Variants in PCLO observed in about 807,000 individuals in gnomAD.
PCLO encodes the protein protein piccolo.
In PCLO, 82 loss-of-function variants were observed where a neutral mutation model predicts 427.5. The observed-to-expected ratio is 0.19, with a 90% CI of 0.16 to 0.23. The LOEUF (loss-of-function observed/expected upper bound fraction) is 0.23, where lower values mean the gene tolerates loss of function less well. Among genes scored for constraint, PCLO ranks in the 10% least tolerant of loss-of-function variants. PCLO has a pLI of 1.00. For synonymous variants in PCLO, 2,357 were observed against 2,155.4 expected (o/e 1.09, Z -2.59); for missense variants, 6,239 against 6,115.9 (o/e 1.02, Z -0.67).
chr7:83,044,879 G>A (rs1354850673), intron 3 of PCLO, among the ~76,000 whole-genome samples: 1 of 152,082 alleles, frequency 6.6e-6, no homozygotes, highest in East Asian at 1.9e-4. Flanking sequence ...CTTACTGGAA[G>A]TCAAAGTTTT....
In PCLO at chr7:83,134,438, C is replaced by A. The variant is rs752290314; in HGVS notation, c.3112G>T (p.Ala1038Ser). Residue 1038 changes from alanine to serine, a missense_variant, in exon 3 of 25, where the codon GCT becomes TCT. By Grantham distance (99) the Ala-to-Ser change is moderately conservative (BLOSUM62 1). Coordinates refer to ENST00000333891, the MANE Select transcript of PCLO (RefSeq NM_033026.6). Reference protein sequence around the residue: ...PPIKDSKSLTAEPQKAVLPTK... With the variant: ...PPIKDSKSLTSEPQKAVLPTK... ...GGAAGGACAGCCTTTTGAGGCTCAG[C>A]TGTTAAAGATTTGCTATCCTTAATA... 3.1e-6 allele frequency: 5 copies of A among 1,613,826 alleles called. No homozygotes were observed. The highest frequency in any genetic ancestry group is 1.6e-4 in the Middle Eastern group (1 of 6,062).
At chr7:83,032,069 A>G (rs1788682849) in intron 3 of PCLO, among the ~76,000 whole-genome samples, 1 of 152,060 alleles carries the variant, frequency 6.6e-6, no homozygotes, top group Non-Finnish European at 1.5e-5. Context: ...TTGCTATACT[A>G]AAATTGTGAC....
intron 22 of PCLO, among the ~76,000 whole-genome samples, chr7:82,788,667 G>A (rs765295512): frequency 2.6e-5 from 4 of 151,838 alleles, no homozygotes; most frequent in Non-Finnish European, 4.4e-5. Flanking sequence ...AATTAAAAAC[G>A]TCAAATCCTT....
At chr7:82,977,663 C>T (rs568614512) in intron 3 of PCLO, among the ~76,000 whole-genome samples, 6 of 152,150 alleles carry the variant, frequency 3.9e-5, no homozygotes, top group African/African-American at 1.4e-4. Flanking sequence ...ATCTGCCTGC[C>T]TTGGCCTCCC....
At chr7:82,935,451 A>T (rs1471290993) in intron 6 of PCLO, among the ~76,000 whole-genome samples, 1 of 151,452 alleles carries the variant, frequency 6.6e-6, no homozygotes, top group Non-Finnish European at 1.5e-5. Flanking sequence ...CTGTTATTAT[A>T]ATTACTATTA....
chr7:83,048,206 T>A (rs148171489), intron 3 of PCLO, among the ~76,000 whole-genome samples: 1 of 152,138 alleles, frequency 6.6e-6, no homozygotes, highest in Admixed American at 6.6e-5. Context: ...CAGATTGTTA[T>A]AGGATTATGG....
At chr7:82,978,649 T>TA (rs1223301110) in intron 3 of PCLO, among the ~76,000 whole-genome samples, 3 of 152,206 alleles carry the variant, frequency 2.0e-5, no homozygotes, top group Admixed American at 6.6e-5. Context: ...CATATTCATG[T>TA]CTACATCCTC....
rs1043077988 is a variant in PCLO, at chr7:83,054,708, G to A, written c.3300+79542C>T. On this transcript the variant is annotated intron_variant, in intron 3 of 24. Coordinates refer to ENST00000333891, the MANE Select transcript of PCLO (RefSeq NM_033026.6). Reference sequence around the variant, plus strand: ...ATCAGCATAAAATCAGAGGTCAATTGGCTGAAAAATGAGTACAATTTTAAT... The same window carrying A: ...ATCAGCATAAAATCAGAGGTCAATTAGCTGAAAAATGAGTACAATTTTAAT... 9.2e-5 allele frequency among the ~76,000 whole-genome samples: 14 copies of A among 152,014 alleles called. 1 individual carries two copies. Among genetic ancestry groups the A allele is most frequent in the Admixed American group, 2.6e-4 (4 of 15,260 alleles).
intron 10 of PCLO, among the ~76,000 whole-genome samples, chr7:82,853,064 T>C (rs1312084277): frequency 2.0e-5 from 3 of 152,170 alleles, no homozygotes; most frequent in Non-Finnish European, 4.4e-5. Flanking sequence ...TTCCTTTTTA[T>C]GGCTGAATAG....
In PCLO at chr7:82,847,179, T is replaced by A. The variant is rs1455052358; in HGVS notation, c.13723A>T (p.Ile4575Phe). 6.2e-7 allele frequency: 1 copy of A among 1,604,968 alleles called. No individual in the cohort carries two copies. The highest frequency in any genetic ancestry group is 1.3e-5 in the African/African-American group (1 of 74,768). The change falls in exon 11 of 25, where the codon ATT becomes TTT. Residue 4575 changes from isoleucine to phenylalanine, a missense_variant. Physicochemically the swap from Ile to Phe is conservative, Grantham distance 21. This residue lies in a region of PCLO where 877 missense variants were observed against 925.5 expected (regional missense o/e 0.95). Transcript: ENST00000333891. ...SKTYEEVQSI[I>F]SQQSGEAEIC... ...TCTGCTTCCCCACTTTGCTGACTAA[T>A]GATACTCTGAACTTCTTCATATGTT...
intron 7 of PCLO, 131 bp downstream of exon 7, chr7:82,914,555 A>C (rs1332279626): frequency 4.6e-6 from 4 of 860,876 alleles, no homozygotes; most frequent in East Asian, 2.6e-5. Flanking sequence ...TACAAGAAAT[A>C]AAATTGAAGT....
At chr7:83,001,740 T>C (rs1044219318) in intron 3 of PCLO, among the ~76,000 whole-genome samples, 1 of 152,112 alleles carries the variant, frequency 6.6e-6, no homozygotes, top group Non-Finnish European at 1.5e-5. Context: ...TGCTGATTTA[T>C]AGCTGGATCC....
intron 1 of PCLO, among the ~76,000 whole-genome samples, chr7:83,156,839 A>C (rs892545296): frequency 6.6e-6 from 1 of 152,090 alleles, no homozygotes; most frequent in Non-Finnish European, 1.5e-5. Context: ...TTTTGATATA[A>C]GAAAGTCTTC....
rs575500211 is a variant in PCLO, at chr7:83,132,576, CAG to C, written c.3300+1672_3300+1673del. Among the ~76,000 whole-genome samples, 579 of 152,162 alleles carry C rather than the reference CAG, an allele frequency of 3.8e-3. 4 individuals carry two copies. The highest frequency in any genetic ancestry group is 0.013 in the African/African-American group (560 of 41,544). ...CTCTCATTAGACTTCCAAATATTGA[CAG>C]AATTCTAATAATTACTATAATTCAG... On this transcript the variant is annotated intron_variant, in intron 3 of 24. Transcript: ENST00000333891.
intron 3 of PCLO, among the ~76,000 whole-genome samples, chr7:83,102,726 A>G: frequency 6.6e-6 from 1 of 152,040 alleles, no homozygotes; most frequent in East Asian, 1.9e-4. Flanking sequence ...TCTTATTGAA[A>G]AAATAAAACT....
chr7:82,942,651 C>A (rs369588278), intron 6 of PCLO, among the ~76,000 whole-genome samples: 1 of 152,162 alleles, frequency 6.6e-6, no homozygotes, highest in East Asian at 1.9e-4. Flanking sequence ...AAAATAATAT[C>A]TTTCCAATTA....
intron 3 of PCLO, among the ~76,000 whole-genome samples, chr7:82,984,233 A>G (rs1458766197): frequency 3.3e-5 from 5 of 152,016 alleles, no homozygotes; most frequent in Non-Finnish European, 7.4e-5. Context: ...AGAGTTACCT[A>G]CTTTTATGGT....
At chr7:83,107,041 T>A (rs924792323) in intron 3 of PCLO, among the ~76,000 whole-genome samples, 1 of 152,164 alleles carries the variant, frequency 6.6e-6, no homozygotes, top group Admixed American at 6.5e-5. Flanking sequence ...TTTTTACCTA[T>A]CTCTTTCAGA....
intron 6 of PCLO, among the ~76,000 whole-genome samples, chr7:82,921,396 C>A (rs943962298): frequency 1.6e-4 from 25 of 151,772 alleles, no homozygotes; most frequent in African/African-American, 5.8e-4. Context: ...CAAAAACAGA[C>A]ACATACAACA....
Sources: allele counts gnomAD v4.1 joint callset (sites outside exome capture counted in the v4.1 genomes callset), GRCh38; gene constraint gnomAD v4.1.1; regional missense constraint gnomAD v4.1.1; transcripts MANE v1.5; gene names NCBI Gene and HGNC (gene_info 2026-07-23, HGNC 2026-07-21).